Variants in CDH4 observed in about 807,000 individuals in gnomAD.
CDH4 encodes the protein cadherin-4.
Under a neutral mutation model 86.0 loss-of-function variants are expected in CDH4, and 33 were observed. The ratio of observed to expected loss-of-function variants is 0.38; its 90% CI spans 0.29 to 0.51. CDH4 has a LOEUF of 0.51. Ranked by LOEUF, CDH4 falls within the 20% of genes least tolerant of loss-of-function variation. CDH4 has a pLI of 0.86. For missense variants in CDH4, 1,114 were observed against 1,307.4 expected (o/e 0.85, Z 2.28); for synonymous variants, 555 against 549.4 (o/e 1.01, Z -0.14).
intron 2 of CDH4, among the ~76,000 whole-genome samples, chr20:61,649,103 G>A (rs1233553560): frequency 2.6e-5 from 4 of 152,354 alleles, no homozygotes; most frequent in Admixed American, 2.0e-4. Flanking sequence ...TGATAACAGT[G>A]ATGGTCACAT....
At chr20:61,755,490 CACACACCACACACACACATGCCCCAT>C (rs1281487880) in intron 3 of CDH4, among the ~76,000 whole-genome samples, 6 of 148,010 alleles carry the variant, frequency 4.1e-5, no homozygotes, top group African/African-American at 1.0e-4. Context: ...CAGTGCACAT[CACACACCACACACACACATGCCCCAT>C]ACACACCACA....
intron 2 of CDH4, among the ~76,000 whole-genome samples, chr20:61,670,997 A>G (rs2087380125): frequency 6.6e-6 from 1 of 152,236 alleles, no homozygotes; most frequent in African/African-American, 2.4e-5. Context: ...CCCTGCCCTT[A>G]GTGAATTACA....
chr20:61,582,509 A>T lies in CDH4; in HGVS notation c.170-161054A>T, dbSNP rs1486496985. On this transcript the variant is annotated intron_variant, in intron 2 of 15. Transcript: ENST00000614565. The surrounding 1 kb of genome is among the most constrained non-coding windows in gnomAD (Gnocchi z 4.2). ...GAATGTTCCAACCTGGTTTCTGGGC[A>T]CCAGCAGTTCCCTTTGGCCTGTAGA... 6.6e-6 allele frequency among the ~76,000 whole-genome samples: 1 copy of T among 152,156 alleles called. No homozygotes were observed. Among genetic ancestry groups the T allele is most frequent in the East Asian group, 1.9e-4 (1 of 5,170 alleles).
intron 6 of CDH4, among the ~76,000 whole-genome samples, chr20:61,873,030 G>C (rs981422784): frequency 6.6e-6 from 1 of 152,232 alleles, no homozygotes; most frequent in Non-Finnish European, 1.5e-5. Flanking sequence ...AGTGGGGAAT[G>C]TGCCAGAGTG....
intron 4 of CDH4, among the ~76,000 whole-genome samples, chr20:61,814,885 C>T (rs1400360746): frequency 1.3e-5 from 2 of 152,176 alleles, no homozygotes; most frequent in Non-Finnish European, 2.9e-5. Context: ...TGCTGAGGCC[C>T]AGTCTCCACA....
intron 3 of CDH4, among the ~76,000 whole-genome samples, chr20:61,745,716 C>T (rs1354180371): frequency 6.6e-6 from 1 of 151,952 alleles, no homozygotes; most frequent in African/African-American, 2.4e-5. Context: ...CCCTTCCCTC[C>T]CTGAGCTGTG....
intron 6 of CDH4, among the ~76,000 whole-genome samples, chr20:61,854,887 T>C (rs190633478): frequency 4.5e-4 from 62 of 138,216 alleles, no homozygotes; most frequent in African/African-American, 1.7e-3. Flanking sequence ...GCCCCAGGGC[T>C]GTAATGTCAA....
chr20:61,673,896 A>G (rs771249329), intron 2 of CDH4, among the ~76,000 whole-genome samples: 3 of 152,334 alleles, frequency 2.0e-5, no homozygotes, highest in Non-Finnish European at 4.4e-5. Context: ...TCAGGAAATC[A>G]AAGTCCTTGC....
intron 4 of CDH4, among the ~76,000 whole-genome samples, chr20:61,814,797 C>T (rs1253940968): frequency 1.3e-5 from 2 of 152,148 alleles, no homozygotes; most frequent in Admixed American, 1.3e-4. Context: ...TCACGGTATT[C>T]GTGGTACCAT....
At chr20:61,457,367 TAG>T (rs2085413062) in intron 2 of CDH4, among the ~76,000 whole-genome samples, 1 of 152,070 alleles carries the variant, frequency 6.6e-6, no homozygotes. Context: ...GACACTAGGA[TAG>T]AGAGAGCCAG....
At chr20:61,268,598 A>G (rs184770678) in intron 2 of CDH4, among the ~76,000 whole-genome samples, 84 of 152,248 alleles carry the variant, frequency 5.5e-4, no homozygotes, top group African/African-American at 1.9e-3. Flanking sequence ...GTGAGTGTTC[A>G]TGAGTGGTTT....
chr20:61,383,300 GAT>G, intron 2 of CDH4, among the ~76,000 whole-genome samples: 1 of 26,516 alleles, frequency 3.8e-5, no homozygotes, highest in African/African-American at 1.4e-4. Context: ...GAATATATGT[GAT>G]ATATATGAAT....
chr20:61,383,345 A>T (rs2084919751), intron 2 of CDH4, among the ~76,000 whole-genome samples: 3 of 106,770 alleles, frequency 2.8e-5, no homozygotes, highest in African/African-American at 1.5e-4. Context: ...TGTGATATAT[A>T]TGAATATATA....
At chr20:61,549,835 T>G (rs1220962526) in intron 2 of CDH4, among the ~76,000 whole-genome samples, 1 of 152,230 alleles carries the variant, frequency 6.6e-6, no homozygotes, top group Non-Finnish European at 1.5e-5. Context: ...ATGCCAGGAC[T>G]GAGGAATAGC....
intron 2 of CDH4, among the ~76,000 whole-genome samples, chr20:61,384,327 G>A (rs1354896841): frequency 6.6e-6 from 1 of 152,080 alleles, no homozygotes; most frequent in African/African-American, 2.4e-5. Flanking sequence ...GTAGAGACAG[G>A]GTCTCCCCAC....
chr20:61,616,026 C>T (rs926589166), intron 2 of CDH4, among the ~76,000 whole-genome samples: 27 of 152,234 alleles, frequency 1.8e-4, no homozygotes, highest in Non-Finnish European at 3.1e-4. Flanking sequence ...TGAGCCGCCT[C>T]GTGGCCACGG....
chr20:61,634,716 G>A (rs567619750), intron 2 of CDH4, among the ~76,000 whole-genome samples: 8 of 152,172 alleles, frequency 5.3e-5, no homozygotes, highest in Admixed American at 1.3e-4. Context: ...AGAGCTCTGC[G>A]GCGTTAGTGT....
intron 4 of CDH4, among the ~76,000 whole-genome samples, chr20:61,821,840 C>A (rs1209444498): frequency 2.0e-5 from 3 of 152,244 alleles, no homozygotes; most frequent in Non-Finnish European, 4.4e-5. Flanking sequence ...AGAGAGATGG[C>A]AGGAGATAAG....
chr20:61,405,692 C>T (rs944282976), intron 2 of CDH4, among the ~76,000 whole-genome samples: 5 of 148,004 alleles, frequency 3.4e-5, no homozygotes, highest in Non-Finnish European at 7.4e-5. Context: ...ATCTATGTAT[C>T]TATAATTTTT....
Sources: gnomAD v4.1 joint callset for allele counts (sites outside exome capture counted in the v4.1 genomes callset) on GRCh38, gnomAD v4.1.1 for gene constraint, Gnocchi (gnomAD v3.1) non-coding constraint, MANE v1.5 for transcripts, NCBI Gene and HGNC (gene_info 2026-07-23, HGNC 2026-07-21) for gene names.